AHRR: variants seen among roughly 807,000 people sequenced by gnomAD.
The protein encoded by AHRR is ahR repressor.
A neutral mutation model predicts 44.0 loss-of-function variants in AHRR; 28 were observed. That is an observed-to-expected ratio of 0.64 (90% CI 0.47 to 0.87). The LOEUF (loss-of-function observed/expected upper bound fraction) is 0.87. Ranked by LOEUF, AHRR falls within the 40% of genes least tolerant of loss-of-function variation. The probability of loss-of-function intolerance (pLI) is 0.00; values close to 1 mark genes in which losing one functional copy is unlikely to be tolerated. For synonymous variants in AHRR, 434 were observed against 407.0 expected (o/e 1.07, Z -0.80); for missense variants, 990 against 953.9 (o/e 1.04, Z -0.50).
intron 3 of AHRR, among the ~76,000 whole-genome samples, chr5:365,311 C>G (rs932970549): frequency 6.6e-6 from 1 of 152,032 alleles, no homozygotes; most frequent in African/African-American, 2.4e-5. Flanking sequence ...TGAGGTGGGA[C>G]CTCAATGCAA....
intron 4 of AHRR, among the ~76,000 whole-genome samples, chr5:376,939 C>T (rs1388829566): frequency 6.6e-6 from 1 of 152,152 alleles, no homozygotes; most frequent in East Asian, 1.9e-4. Flanking sequence ...TAGGCTGGGA[C>T]AGAGAAGGCA....
At chr5:384,012 CTCTG>C (rs1734082040) in intron 4 of AHRR, among the ~76,000 whole-genome samples, 1 of 151,886 alleles carries the variant, frequency 6.6e-6, no homozygotes, top group Non-Finnish European at 1.5e-5. Context: ...GTCTGACAAT[CTCTG>C]TCTTCTAATT....
At chr5:333,415 G>A (rs1009233359) in intron 1 of AHRR, among the ~76,000 whole-genome samples, 7 of 152,190 alleles carry the variant, frequency 4.6e-5, no homozygotes, top group Non-Finnish European at 8.8e-5. Context: ...GGCCAACATG[G>A]TGAAACCCCA....
Position 435,144 on chromosome 5 carries a change from C to T in AHRR, c.*310C>T, listed in dbSNP as rs72717423. On this transcript the variant is annotated 3_prime_UTR_variant, in exon 11 of 11. Transcript: ENST00000684583. ...GGACAGCTTCATGCCCCAGAGGCAG[C>T]GAGCACCCGTCCCATGGCTGCCAAG... is the stretch of plus-strand genomic sequence containing the variant. 52,772 of 329,636 alleles carry T rather than the reference C, an allele frequency of 0.16. 4,932 individuals carry two copies. The highest frequency in any genetic ancestry group is 0.2 in the Non-Finnish European group (35,064 of 179,070). 20.4% of individuals were successfully genotyped at this position (329,636 alleles called of 1,614,324 possible).
chr5:433,726 C>G (rs539099069), intron 10 of AHRR, 127 bp from the exon 11 acceptor site: 3 of 1,119,612 alleles, frequency 2.7e-6, no homozygotes, highest in Non-Finnish European at 3.5e-6. Flanking sequence ...AGTGAGGGGT[C>G]GGTGTAGCAG....
At chr5:379,799 C>G (rs910322864) in intron 4 of AHRR, among the ~76,000 whole-genome samples, 1 of 152,062 alleles carries the variant, frequency 6.6e-6, no homozygotes, top group Non-Finnish European at 1.5e-5. Flanking sequence ...TCTTTTTATT[C>G]TTTTGACAGG....
chr5:406,665 T>C lies in AHRR; in HGVS notation c.352-6679T>C, dbSNP rs1735272202. Among the ~76,000 whole-genome samples, 1 of 152,148 alleles carries C rather than the reference T, an allele frequency of 6.6e-6. No homozygotes were observed. Among genetic ancestry groups the C allele is most frequent in the Non-Finnish European group, 1.5e-5 (1 of 68,032 alleles). On this transcript the variant is annotated intron_variant, in intron 4 of 10. Coordinates refer to ENST00000684583, the MANE Select transcript of AHRR (RefSeq NM_001377236.1). This position sits in a 1 kb window ranked among gnomAD's most constrained non-coding sequence, Gnocchi z 4.7. ...GGTGCAAAAATACGATGCAGGCAGCTCAAAGGAGAAACGCAGCCCCTTCTC... is the reference window on the plus strand; with the variant it reads ...GGTGCAAAAATACGATGCAGGCAGCCCAAAGGAGAAACGCAGCCCCTTCTC...
chr5:368,385 G>A (rs1460249920), intron 3 of AHRR, among the ~76,000 whole-genome samples: 1 of 152,234 alleles, frequency 6.6e-6, no homozygotes, highest in Non-Finnish European at 1.5e-5. Context: ...GTACACCTGT[G>A]CACCGCACGC....
At chr5:345,084 G>A (rs539278853) in intron 2 of AHRR, among the ~76,000 whole-genome samples, 4 of 32,372 alleles carry the variant, frequency 1.2e-4, no homozygotes, top group African/African-American at 3.6e-4. Flanking sequence ...GTGTGTGTGT[G>A]TGTGTGTGTG....
At chr5:421,251 C>T (rs915617725) in intron 5 of AHRR, 12 of 696,242 alleles carry the variant, frequency 1.7e-5, no homozygotes, top group Admixed American at 1.6e-4. Flanking sequence ...GGTTCAGCCA[C>T]GGAGCGGATG....
chr5:406,962 G>A lies in AHRR; in HGVS notation c.352-6382G>A, dbSNP rs1735281868. Among the ~76,000 whole-genome samples the A allele has an allele frequency of 6.6e-6, 1 of 152,332 alleles. No homozygotes were observed. Among genetic ancestry groups the A allele is most frequent in the East Asian group, 1.9e-4 (1 of 5,192 alleles). On this transcript the variant is annotated intron_variant, in intron 4 of 10. Coordinates refer to ENST00000684583, the MANE Select transcript of AHRR (RefSeq NM_001377236.1). This position sits in a 1 kb window ranked among gnomAD's most constrained non-coding sequence, Gnocchi z 4.7. ...AAGCCTATCTCTGTCCCAGTGATTT[G>A]AGGTGACACCTTTTTCATGCATCAA...
intron 6 of AHRR, 117 bp downstream of exon 6, chr5:422,975 C>G: frequency 7.4e-7 from 1 of 1,352,648 alleles, no homozygotes; most frequent in Non-Finnish European, 9.9e-7. Context: ...TACACATTGA[C>G]CTTAGCGCCA....
rs1734074336 is a variant in AHRR, at chr5:383,801, C to T, written c.351+7085C>T. On this transcript the variant is annotated intron_variant, in intron 4 of 10. Transcript: ENST00000684583. The surrounding 1 kb of genome is among the most constrained non-coding windows in gnomAD (Gnocchi z 4.0). ...ATAGTCTAGAACTCTTGGCCTCAAG[C>T]TGTCCTCCCACCCCCGGCCTCCCAA... is the stretch of plus-strand genomic sequence containing the variant. Among the ~76,000 whole-genome samples, 1 of 152,142 alleles carries T rather than the reference C, an allele frequency of 6.6e-6. No homozygotes were observed. Among genetic ancestry groups the T allele is most frequent in the South Asian group, 2.1e-4 (1 of 4,828 alleles).
intron 3 of AHRR, among the ~76,000 whole-genome samples, chr5:356,470 C>A (rs563296954): frequency 1.3e-5 from 2 of 151,330 alleles, no homozygotes; most frequent in South Asian, 2.1e-4. Flanking sequence ...TGAGGAAGAG[C>A]GCCCGCGAGT....
rs1301941341 is a variant in AHRR at position 337,829 on chromosome 5, T to A, written c.-10-6064T>A. On this transcript the variant is annotated intron_variant, in intron 1 of 10. Transcript: ENST00000684583. This position sits in a 1 kb window ranked among gnomAD's most constrained non-coding sequence, Gnocchi z 4.1. ...TGGAGGGCAGAGAAGTTTGCTGAGT[T>A]GCCCTGTCTATGGCAGTGGTGAGCA... is the stretch of plus-strand genomic sequence containing the variant. Among the ~76,000 whole-genome samples, 2 of 152,150 alleles carry A rather than the reference T, an allele frequency of 1.3e-5. No individual in the cohort carries two copies. Among genetic ancestry groups the A allele is most frequent in the African/African-American group, 4.8e-5 (2 of 41,426 alleles).
intron 4 of AHRR, among the ~76,000 whole-genome samples, chr5:397,946 ACG>A (rs1734817274): frequency 7.3e-5 from 8 of 109,666 alleles, no homozygotes; most frequent in Non-Finnish European, 1.5e-4. Flanking sequence ...CTGACCATCC[ACG>A]TAGCCCCTGA....
Position 435,003 on chromosome 5 carries a change from C to T in AHRR, c.*169C>T. On this transcript the variant is annotated 3_prime_UTR_variant, in exon 11 of 11. Transcript: ENST00000684583. ...GTGTGCAGCATACGCAGGAGCCTAT[C>T]CTGAATTTTGTAAAATATCCCAACA... 1 of 1,005,666 alleles carries T rather than the reference C, an allele frequency of 9.9e-7. No individual in the cohort carries two copies. Among genetic ancestry groups the T allele is most frequent in the Non-Finnish European group, 1.4e-6 (1 of 714,156 alleles). 62.3% of individuals were successfully genotyped at this position (1,005,666 alleles called of 1,614,324 possible). A position where few individuals can be genotyped will look rare whatever the true frequency, so the allele number is the denominator to read the frequency against.
chr5:417,403 G>A (rs1735877590), intron 5 of AHRR, among the ~76,000 whole-genome samples: 2 of 151,530 alleles, frequency 1.3e-5, no homozygotes, highest in African/African-American at 2.4e-5. Context: ...AGAGAAGGTG[G>A]CTTGGTCTGT....
chr5:425,994 C>T (rs6883555), intron 7 of AHRR, among the ~76,000 whole-genome samples: 4,445 of 152,230 alleles, frequency 0.029, 129 homozygotes, highest in Middle Eastern at 0.082. Context: ...TTTTGAGATT[C>T]GGCTGAAATT....
Sources: allele counts gnomAD v4.1 joint callset (sites outside exome capture counted in the v4.1 genomes callset), GRCh38; gene constraint gnomAD v4.1.1; non-coding constraint Gnocchi (gnomAD v3.1); transcripts MANE v1.5; gene names NCBI Gene and HGNC (gene_info 2026-07-23, HGNC 2026-07-21).